MTMR7: variants seen among roughly 807,000 people sequenced by gnomAD.
MTMR7 encodes phosphatidylinositol-3-phosphate phosphatase MTMR7.
In MTMR7, 76 loss-of-function variants were observed where a neutral mutation model predicts 81.2. The observed-to-expected ratio is 0.94, with a 90% CI of 0.78 to 1.13. The LOEUF (loss-of-function observed/expected upper bound fraction) is 1.13, where lower values mean the gene tolerates loss of function less well. MTMR7 is among the 50% of genes most tolerant of loss of function. MTMR7 has a pLI of 0.00. For synonymous variants in MTMR7, 372 were observed against 289.8 expected, an observed-to-expected ratio of 1.28 and a Z score of -2.88; for missense variants, 1,044 against 820.0, an observed-to-expected ratio of 1.27 and a Z score of -3.34.
At chr8:17,346,884 TAA>T (rs55910829) in intron 5 of MTMR7, among the ~76,000 whole-genome samples, 4,613 of 65,020 alleles carry the variant, frequency 0.071, 184 homozygotes, top group African/African-American at 0.24. Flanking sequence ...CCTATCTTAA[TAA>T]AAAAAAAAAA....
intron 1 of MTMR7, among the ~76,000 whole-genome samples, chr8:17,409,686 G>T (rs1474031325): frequency 6.6e-6 from 1 of 152,170 alleles, no homozygotes; most frequent in Non-Finnish European, 1.5e-5. Flanking sequence ...CAATTGTAAT[G>T]AGGAACCTAA....
chr8:17,355,727 A>G (rs1586238693), intron 4 of MTMR7, among the ~76,000 whole-genome samples: 3 of 125,448 alleles, frequency 2.4e-5, no homozygotes, highest in African/African-American at 7.9e-5. Context: ...TACATTATAT[A>G]AAGAACTACA....
At chr8:17,363,878 G>A (rs181043147) in intron 3 of MTMR7, among the ~76,000 whole-genome samples, 130 of 145,324 alleles carry the variant, frequency 8.9e-4, no homozygotes, top group African/African-American at 3.1e-3. Flanking sequence ...TTAGCAGAAT[G>A]TTTAGCAATT....
At chr8:17,370,957 A>C in intron 3 of MTMR7, 80 bp downstream of exon 3, 1 of 1,426,782 alleles carries the variant, frequency 7.0e-7, no homozygotes, top group South Asian at 1.3e-5. Flanking sequence ...ATCATTCCTA[A>C]GCACCATACA....
At chr8:17,382,853 T>C (rs536121879) in intron 1 of MTMR7, among the ~76,000 whole-genome samples, 29 of 152,358 alleles carry the variant, frequency 1.9e-4, no homozygotes, top group Non-Finnish European at 3.8e-4. Flanking sequence ...AACATTAATA[T>C]TGCACTTTAA....
At chr8:17,322,798 C>A (rs1344068855) in intron 7 of MTMR7, among the ~76,000 whole-genome samples, 1 of 151,858 alleles carries the variant, frequency 6.6e-6, no homozygotes, top group Admixed American at 6.6e-5. Flanking sequence ...GCACTTCAGC[C>A]TGGACAACAC....
At chr8:17,384,073 G>A (rs1820849731) in intron 1 of MTMR7, among the ~76,000 whole-genome samples, 1 of 152,160 alleles carries the variant, frequency 6.6e-6, no homozygotes, top group Non-Finnish European at 1.5e-5. Context: ...AACTGCATGT[G>A]TGAGAGAGGG....
Position 17,300,032 on chromosome 8 carries a change from G to GAATC in MTMR7, c.1809_1812dup (p.Leu605AspfsTer19), listed in dbSNP as rs1185355515. On this transcript the variant is annotated frameshift_variant, in exon 14 of 14. Transcript: ENST00000180173. LOFTEE classifies it high-confidence loss of function. ...GAACTTTTCAGATTGTCTTGGGTTA[G>GAATC]AATCAGAGCAGAATCTTCATCGCCT... 1 of 1,614,128 alleles carries GAATC rather than the reference G, an allele frequency of 6.2e-7. No homozygotes were observed.
rs564037599 is a variant in MTMR7 at position 17,353,333 on chromosome 8, G to C, written c.469-4252C>G. Among the ~76,000 whole-genome samples, 7 of 152,186 alleles carry C rather than the reference G, an allele frequency of 4.6e-5. No homozygotes were observed. In the East Asian group the frequency reaches 1.4e-3, roughly 29 times the overall value. ...TAATGGGTATAGAGTATCAGTTCTGGAGTTGAAAAGTTCCAGAGATCTATT... is the reference window on the plus strand; with the variant it reads ...TAATGGGTATAGAGTATCAGTTCTGCAGTTGAAAAGTTCCAGAGATCTATT... On this transcript the variant is annotated intron_variant, in intron 4 of 13. Coordinates refer to ENST00000180173, the MANE Select transcript of MTMR7 (RefSeq NM_004686.5).
chr8:17,376,063 C>G (rs1212222432), intron 1 of MTMR7, among the ~76,000 whole-genome samples: 1 of 152,206 alleles, frequency 6.6e-6, no homozygotes, highest in South Asian at 2.1e-4. Flanking sequence ...CACCCACTAC[C>G]AGTCACATCC....
Position 17,393,915 on chromosome 8 carries a change from A to C in MTMR7, c.24+19354T>G, listed in dbSNP as rs368609086. Reference sequence around the variant, plus strand: ...AGAATCTTAACAGATATTTCTCCAAAGAAGACATATGAATAGCTAATAAGC... The same window carrying C: ...AGAATCTTAACAGATATTTCTCCAACGAAGACATATGAATAGCTAATAAGC... On this transcript the variant is annotated intron_variant, in intron 1 of 13. Transcript: ENST00000180173. Among the ~76,000 whole-genome samples the C allele has an allele frequency of 1.7e-4, 26 of 152,382 alleles. 1 individual carries two copies. The highest frequency in any genetic ancestry group is 5.8e-4 in the African/African-American group (24 of 41,588).
rs187103022 is a variant in MTMR7, at chr8:17,332,424, G to C, written c.733-1142C>G. 1.7e-4 allele frequency among the ~76,000 whole-genome samples: 26 copies of C among 152,234 alleles called. No individual in the cohort carries two copies. In the East Asian group the frequency reaches 5.0e-3, roughly 29 times the overall value. On this transcript the variant is annotated intron_variant, in intron 6 of 13. Transcript: ENST00000180173. ...TGAAAACCCATGACTATCTCAATAGGACAATGACAGGATACACAATGGTTT... is the reference window on the plus strand; with the variant it reads ...TGAAAACCCATGACTATCTCAATAGCACAATGACAGGATACACAATGGTTT...
intron 4 of MTMR7, among the ~76,000 whole-genome samples, chr8:17,355,858 A>G (rs903029350): frequency 6.6e-6 from 1 of 152,230 alleles, no homozygotes; most frequent in African/African-American, 2.4e-5. Context: ...AATCAGGTCA[A>G]TGCAAAAACC....
Position 17,337,580 on chromosome 8 carries a change from A to T in MTMR7, c.732+3783T>A, listed in dbSNP as rs182969782. On this transcript the variant is annotated intron_variant, in intron 6 of 13. Transcript: ENST00000180173. ...AATTTTTTTTTGGAATTGACATTCA[A>T]TACATGCTTGAAGACTTCATTGACT... Among the ~76,000 whole-genome samples, 47 of 152,314 alleles carry T rather than the reference A, an allele frequency of 3.1e-4. No homozygotes were observed. In the East Asian group the frequency reaches 7.3e-3, roughly 24 times the overall value.
At chr8:17,341,950 A>T (rs1403304676) in intron 5 of MTMR7, among the ~76,000 whole-genome samples, 1 of 152,102 alleles carries the variant, frequency 6.6e-6, no homozygotes, top group Non-Finnish European at 1.5e-5. Context: ...CCATCTAGAA[A>T]CATCACAAAT....
At chr8:17,307,521 C>T (rs2150476653) in intron 10 of MTMR7, among the ~76,000 whole-genome samples, 1 of 152,254 alleles carries the variant, frequency 6.6e-6, no homozygotes, top group East Asian at 1.9e-4. Context: ...TTTGACCCAG[C>T]CATCCCATTA....
chr8:17,373,389 T>C, intron 1 of MTMR7, 149 bp from the exon 2 acceptor site: 1 of 872,164 alleles, frequency 1.1e-6, no homozygotes, highest in Admixed American at 3.1e-5. Flanking sequence ...TCCCCTTAAG[T>C]TAATCGGATC....
chr8:17,342,053 A>G (rs577818647), intron 5 of MTMR7, among the ~76,000 whole-genome samples: 43 of 152,298 alleles, frequency 2.8e-4, no homozygotes, highest in Admixed American at 1.3e-3. Context: ...CAGCAGGCAC[A>G]TACCTGTGCT....
At chr8:17,373,268 T>G in intron 1 of MTMR7, 28 bp from the exon 2 acceptor site, 1 of 1,600,118 alleles carries the variant, frequency 6.2e-7, no homozygotes, top group Non-Finnish European at 8.5e-7. Flanking sequence ...ATGAAAAGAG[T>G]TACCGTAAAG....
Sources: allele counts gnomAD v4.1 joint callset (sites outside exome capture counted in the v4.1 genomes callset), GRCh38; gene constraint gnomAD v4.1.1; transcripts MANE v1.5; gene names NCBI Gene and HGNC (gene_info 2026-07-23, HGNC 2026-07-21).